Variants in TRIM41 observed in about 807,000 individuals in gnomAD.
The protein encoded by TRIM41 is E3 ubiquitin-protein ligase TRIM41.
TRIM41 carries 21 observed loss-of-function variants against 60.6 expected under a neutral mutation model. The observed-to-expected ratio is 0.35, with a 90% CI of 0.25 to 0.50. The LOEUF (loss-of-function observed/expected upper bound fraction) is 0.50, where lower values mean the gene tolerates loss of function less well. Among genes scored for constraint, TRIM41 ranks in the 20% least tolerant of loss-of-function variants. The pLI is 0.98. For synonymous variants in TRIM41, 407 were observed against 344.9 expected, an observed-to-expected ratio of 1.18 and a Z score of -2.00; for missense variants, 846 against 868.3, an observed-to-expected ratio of 0.97 and a Z score of 0.32.
At position 181,233,382 on chromosome 5, in the gene TRIM41, C is replaced by T; in HGVS notation, c.1141-31C>T. 6.2e-7 allele frequency: 1 copy of T among 1,607,304 alleles called. No individual in the cohort carries two copies. Among genetic ancestry groups the T allele is most frequent in the Non-Finnish European group, 8.5e-7 (1 of 1,174,244 alleles). On this transcript the variant is annotated intron_variant, in intron 3 of 5. Coordinates refer to ENST00000315073, the MANE Select transcript of TRIM41 (RefSeq NM_033549.5). This position sits in a 1 kb window ranked among gnomAD's most constrained non-coding sequence, Gnocchi z 4.1. ...TGACACTCTCTTTATCTCTTTCTCCCTCTCCCTCTTTTTGTTTCTCTTATT... is the reference window on the plus strand; with the variant it reads ...TGACACTCTCTTTATCTCTTTCTCCTTCTCCCTCTTTTTGTTTCTCTTATT...
chr5:181,225,856 A>T (rs1758524797), intron 1 of TRIM41: 1 of 152,284 alleles, frequency 6.6e-6, no homozygotes, highest in African/African-American at 2.4e-5. Flanking sequence ...GAAGGCCTGG[A>T]TGGGTTTGAA....
At chr5:181,231,471 G>T (rs1012369335) in intron 2 of TRIM41, 1 of 152,260 alleles carries the variant, frequency 6.6e-6, no homozygotes, top group African/African-American at 2.4e-5. Context: ...AGCAGGTCCT[G>T]CTGGGATGGG....
Position 181,233,658 on chromosome 5 carries a change from C to G in TRIM41, c.1186C>G (p.Pro396Ala), listed in dbSNP as rs571092295. 2.5e-6 allele frequency: 4 copies of G among 1,614,198 alleles called. No individual in the cohort carries two copies. In the South Asian group the frequency reaches 4.4e-5, roughly 18 times the overall value. ...CAGGTGTGAAGAGGTACAGCTGCAGCCCCCAGAGGTCTGGTCCCCTGACCC... is the reference window on the plus strand; with the variant it reads ...CAGGTGTGAAGAGGTACAGCTGCAGGCCCCAGAGGTCTGGTCCCCTGACCC... ...FNRCEEVQLQ[P>A]PEVWSPDPCQ... Residue 396 changes from proline to alanine, a missense_variant, in exon 5 of 6, where the codon CCC (proline) becomes GCC (alanine). Physicochemically the swap from Pro to Ala is conservative, Grantham distance 27. Transcript: ENST00000315073. The surrounding 1 kb of genome is among the most constrained non-coding windows in gnomAD (Gnocchi z 4.1).
rs1582282003 is a variant in TRIM41, at chr5:181,233,249, T to G, written c.1141-164T>G. 10 of 798,802 alleles carry G rather than the reference T, an allele frequency of 1.3e-5. No individual in the cohort carries two copies. Among genetic ancestry groups the G allele is most frequent in the Non-Finnish European group, 2.0e-5 (9 of 453,220 alleles). The allele number at this position is 798,802 out of a possible 1,614,324, so 49.5% of individuals were successfully genotyped here. A position where few individuals can be genotyped will look rare whatever the true frequency, so the allele number is the denominator to read the frequency against. The stretch of plus-strand genomic sequence containing the variant: ...GAGTTAGGTATGGCGAGGCATGGGG[T>G]GGTTGAAATGGATGTGTGTTCATTG... On this transcript the variant is annotated intron_variant, in intron 3 of 5. Transcript: ENST00000315073. The surrounding 1 kb of genome is among the most constrained non-coding windows in gnomAD (Gnocchi z 4.1).
chr5:181,233,370 A>C lies in TRIM41; in HGVS notation c.1141-43A>C, dbSNP rs775139505. 1.2e-4 allele frequency: 174 copies of C among 1,499,484 alleles called. No homozygotes were observed. The highest frequency in any genetic ancestry group is 1.5e-4 in the Non-Finnish European group (159 of 1,076,672). The allele number at this position is 1,499,484 out of a possible 1,614,324, so 92.9% of individuals were successfully genotyped here. ...TCCCTGTGCAGCTGACACTCTCTTT[A>C]TCTCTTTCTCCCTCTCCCTCTTTTT... On this transcript the variant is annotated intron_variant, in intron 3 of 5. Coordinates refer to ENST00000315073, the MANE Select transcript of TRIM41 (RefSeq NM_033549.5). This position sits in a 1 kb window ranked among gnomAD's most constrained non-coding sequence, Gnocchi z 4.1.
chr5:181,233,341 G>C lies in TRIM41; in HGVS notation c.1141-72G>C. On this transcript the variant is annotated intron_variant, in intron 3 of 5. Coordinates refer to ENST00000315073, the MANE Select transcript of TRIM41 (RefSeq NM_033549.5). This position sits in a 1 kb window ranked among gnomAD's most constrained non-coding sequence, Gnocchi z 4.1. The stretch of plus-strand genomic sequence containing the variant: ...AGTCTCTGACTGGAGATCGGGGAAC[G>C]CTGTCCCTGTGCAGCTGACACTCTC... The C allele has an allele frequency of 6.7e-7, 1 of 1,493,400 alleles. No homozygotes were observed. The highest frequency in any genetic ancestry group is 2.3e-5 in the East Asian group (1 of 44,344). 92.5% of individuals were successfully genotyped at this position (1,493,400 alleles called of 1,614,324 possible).
In TRIM41 at chr5:181,233,083, A is replaced by G; in HGVS notation, c.1140+194A>G. The stretch of plus-strand genomic sequence containing the variant: ...TGTGGTATGTGTGGCGATTATACCC[A>G]GTGAAAAGCATGAAGATTCGGTTGT... On this transcript the variant is annotated intron_variant, in intron 3 of 5. Transcript: ENST00000315073. The surrounding 1 kb of genome is among the most constrained non-coding windows in gnomAD (Gnocchi z 4.1). 1 of 734,744 alleles carries G rather than the reference A, an allele frequency of 1.4e-6. No individual in the cohort carries two copies. The highest frequency in any genetic ancestry group is 1.5e-5 in the South Asian group (1 of 67,368). 45.5% of individuals were successfully genotyped at this position (734,744 alleles called of 1,614,324 possible). A position where few individuals can be genotyped will look rare whatever the true frequency, so the allele number is the denominator to read the frequency against.
Position 181,235,610 on chromosome 5 carries a change from A to C in TRIM41, c.*835A>C. 1 of 621,860 alleles carries C rather than the reference A, an allele frequency of 1.6e-6. No homozygotes were observed. The highest frequency in any genetic ancestry group is 2.9e-5 in the East Asian group (1 of 34,572). 38.5% of individuals were successfully genotyped at this position (621,860 alleles called of 1,614,324 possible). A position where few individuals can be genotyped will look rare whatever the true frequency, so the allele number is the denominator to read the frequency against. On this transcript the variant is annotated 3_prime_UTR_variant, in exon 6 of 6. Transcript: ENST00000315073. ...AGCCCCTTTCCATGCCTTTCACTCC[A>C]TTTGGCAAGCTCTGAGGGGGAGCCT...
chr5:181,225,237 A>C, intron 1 of TRIM41: 1 of 237,264 alleles, frequency 4.2e-6, no homozygotes, highest in Non-Finnish European at 8.4e-6. Context: ...TCAGACCCAA[A>C]TGCTCTGCAC....
Position 181,232,885 on chromosome 5 carries a change from T to C in TRIM41, c.1136T>C (p.Leu379Pro). The part of the protein sequence containing the change: ...ERSQQGGLRL[L>P]QDIKETFNRC... ...AGCCAGCAGGGGGGTCTCCGGCTGCTCCAGGTGAGCAATGTCCCCTCCCTG... is the reference window on the plus strand; with the variant it reads ...AGCCAGCAGGGGGGTCTCCGGCTGCCCCAGGTGAGCAATGTCCCCTCCCTG... Residue 379 changes from leucine to proline, a missense_variant, in exon 3 of 6, where the codon CTC becomes CCC. Physicochemically the swap from Leu to Pro is moderately conservative, Grantham distance 98 (BLOSUM62 -3). Coordinates refer to ENST00000315073, the MANE Select transcript of TRIM41 (RefSeq NM_033549.5). The C allele has an allele frequency of 1.3e-6, 2 of 1,539,616 alleles. No homozygotes were observed. Among genetic ancestry groups the C allele is most frequent in the South Asian group, 1.2e-5 (1 of 84,442 alleles).
rs1007411003 is a variant in TRIM41 at position 181,223,963 on chromosome 5, C to G, written c.-37C>G. On this transcript the variant is annotated 5_prime_UTR_variant, in exon 1 of 6. Transcript: ENST00000315073. ...AGGGAAGACCCCCGCCCCTCGCCCC[C>G]CCACCGAACCTCTACACTGGCTGGC... 2 of 1,556,932 alleles carry G rather than the reference C, an allele frequency of 1.3e-6. No homozygotes were observed. The highest frequency in any genetic ancestry group is 1.2e-5 in the South Asian group (1 of 84,868).
In TRIM41 at chr5:181,224,624, C is replaced by G. The variant is rs1758460247; in HGVS notation, c.625C>G (p.Arg209Gly). Residue 209 changes from arginine (R) to glycine (G), a missense_variant, in exon 1 of 6, where the codon CGG becomes GGG. By Grantham distance (125) the Arg-to-Gly change is moderately radical. Coordinates refer to ENST00000315073, the MANE Select transcript of TRIM41 (RefSeq NM_033549.5). ...LQLANMVQVI[R>G]QMHPTPGRGS... The stretch of plus-strand genomic sequence containing the variant: ...GCTGGCCAATATGGTCCAGGTGATT[C>G]GGCAGATGCACCCAACCCCTGGTCG... 2 of 1,614,086 alleles carry G rather than the reference C, an allele frequency of 1.2e-6. No individual in the cohort carries two copies. Among genetic ancestry groups the G allele is most frequent in the South Asian group, 1.1e-5 (1 of 91,074 alleles).
In TRIM41 at chr5:181,235,360, C is replaced by T; in HGVS notation, c.*585C>T. The T allele has an allele frequency of 6.2e-7, 1 of 1,614,160 alleles. No homozygotes were observed. The highest frequency in any genetic ancestry group is 8.5e-7 in the Non-Finnish European group (1 of 1,180,028). On this transcript the variant is annotated 3_prime_UTR_variant, in exon 6 of 6. Coordinates refer to ENST00000315073, the MANE Select transcript of TRIM41 (RefSeq NM_033549.5). ...TCAATTTCTACCTCCATAGACCGGC[C>T]AGAATTTAGCTTCACTTGAGAGAGA...
At chr5:181,232,912 T>TC (rs1403243077) in intron 3 of TRIM41, 23 bp downstream of exon 3, 2 of 1,534,384 alleles carry the variant, frequency 1.3e-6, no homozygotes, top group African/African-American at 1.4e-5. Flanking sequence ...CCCTCCCTGT[T>TC]CCCCCAGCAT....
At chr5:181,229,134 A>C (rs960684289) in intron 1 of TRIM41, 1 of 152,176 alleles carries the variant, frequency 6.6e-6, no homozygotes, top group Non-Finnish European at 1.5e-5. Context: ...CCTGTGCAGC[A>C]ACTGCTGTTT....
At position 181,235,431 on chromosome 5, in the gene TRIM41, A is replaced by AT. The variant is rs756334277; in HGVS notation, c.*658dup. The AT allele has an allele frequency of 2.5e-6, 4 of 1,612,176 alleles. No individual in the cohort carries two copies. The Admixed American group carries it at 6.7e-5, about 27-fold the overall frequency. On this transcript the variant is annotated 3_prime_UTR_variant, in exon 6 of 6. Transcript: ENST00000315073. ...TGAAACCACGCACCATTACATCATC[A>AT]TTACATTAATTACATCAACATAAAT...
In TRIM41 at chr5:181,233,175, G is replaced by A. The variant is rs1758883539; in HGVS notation, c.1141-238G>A. 1 of 714,042 alleles carries A rather than the reference G, an allele frequency of 1.4e-6. No homozygotes were observed. Among genetic ancestry groups the A allele is most frequent in the South Asian group, 1.5e-5 (1 of 67,730 alleles). The allele number at this position is 714,042 out of a possible 1,614,324, so 44.2% of individuals were successfully genotyped here. A position where few individuals can be genotyped will look rare whatever the true frequency, so the allele number is the denominator to read the frequency against. ...GTGACATCCTGAAAAAGGTGAGCAAGTCGTATTGTGGAAATGACAGTATCC... is the reference window on the plus strand; with the variant it reads ...GTGACATCCTGAAAAAGGTGAGCAAATCGTATTGTGGAAATGACAGTATCC... On this transcript the variant is annotated intron_variant, in intron 3 of 5. Transcript: ENST00000315073. This position sits in a 1 kb window ranked among gnomAD's most constrained non-coding sequence, Gnocchi z 4.1.
Position 181,234,753 on chromosome 5 carries a change from C to A in TRIM41, c.1871C>A (p.Thr624Asn), listed in dbSNP as rs1758997019. 6.2e-7 allele frequency: 1 copy of A among 1,612,922 alleles called. No homozygotes were observed. The highest frequency in any genetic ancestry group is 8.5e-7 in the Non-Finnish European group (1 of 1,179,550). Reference protein sequence around the residue: ...FPFFRVLSKGTRIKLCP With the variant: ...FPFFRVLSKGNRIKLCP ...TTCTTCCGGGTGCTCTCCAAGGGCA[C>A]CCGCATCAAGCTCTGCCCTTGATTA... Residue 624 changes from threonine to asparagine, a missense_variant, in exon 6 of 6, where the codon ACC becomes AAC. Physicochemically the swap from Thr to Asn is moderately conservative, Grantham distance 65 (BLOSUM62 0). Transcript: ENST00000315073. This position sits in a 1 kb window ranked among gnomAD's most constrained non-coding sequence, Gnocchi z 5.6.
chr5:181,229,265 TG>T (rs1223377278), intron 1 of TRIM41: 1 of 152,264 alleles, frequency 6.6e-6, no homozygotes, highest in Non-Finnish European at 1.5e-5. Context: ...TGCCAGGCAC[TG>T]CAGTAAGTGT....
Sources: gnomAD v4.1 joint callset for allele counts on GRCh38, gnomAD v4.1.1 for gene constraint, Gnocchi (gnomAD v3.1) non-coding constraint, MANE v1.5 for transcripts, NCBI Gene and HGNC (gene_info 2026-07-23, HGNC 2026-07-21) for gene names.